ZYX: variants seen among roughly 807,000 people sequenced by gnomAD.
The protein encoded by ZYX is zyxin.
In ZYX, 37 loss-of-function variants were observed where a neutral mutation model predicts 58.1. The ratio of observed to expected loss-of-function variants is 0.64; its 90% confidence interval spans 0.49 to 0.84. The LOEUF (loss-of-function observed/expected upper bound fraction) is 0.84, where lower values mean the gene tolerates loss of function less well. Ranked by LOEUF, ZYX falls within the 40% of genes least tolerant of loss-of-function variation. The pLI is 0.00. For synonymous variants in ZYX, 324 were observed against 321.1 expected (o/e 1.01, Z -0.10); for missense variants, 762 against 761.6 (o/e 1.00, Z -0.01).
chr7:143,389,030 C>T lies in ZYX; in HGVS notation c.1493+85C>T, dbSNP rs879635652. 2.5e-4 allele frequency: 371 copies of T among 1,465,620 alleles called. No homozygotes were observed. The highest frequency in any genetic ancestry group is 7.1e-4 in the East Asian group (31 of 43,814). The allele number at this position is 1,465,620 out of a possible 1,614,324, so 90.8% of individuals were successfully genotyped here. A position where few individuals can be genotyped will look rare whatever the true frequency, so the allele number is the denominator to read the frequency against. On this transcript the variant is annotated intron_variant, in intron 8 of 9. Transcript: ENST00000322764. This position sits in a 1 kb window ranked among gnomAD's most constrained non-coding sequence, Gnocchi z 5.6. ...CTTGCTACCCTAGCCTCAGGACAGC[C>T]CCAAACCCCTGGTGGTGTTTTCTGG...
chr7:143,390,112 AC>A lies in ZYX; in HGVS notation c.1614+139del. ...GATTTTGAGGGTGGCTCATGGTGGC[AC>A]CCCATCTGTCCTGCCAGAATGCTTC... is the stretch of plus-strand genomic sequence containing the variant. On this transcript the variant is annotated intron_variant, in intron 9 of 9. Coordinates refer to ENST00000322764, the MANE Select transcript of ZYX (RefSeq NM_003461.5). This position sits in a 1 kb window ranked among gnomAD's most constrained non-coding sequence, Gnocchi z 4.3. 7.7e-7 allele frequency: 1 copy of A among 1,303,310 alleles called. No individual in the cohort carries two copies. The highest frequency in any genetic ancestry group is 2.4e-5 in the East Asian group (1 of 41,124). 80.7% of individuals were successfully genotyped at this position (1,303,310 alleles called of 1,614,324 possible).
rs1244741867 is a variant in ZYX, at chr7:143,388,567, C to T, written c.1223C>T (p.Ala408Val). ...GCTCTAGGGCAGCTGTTCCACATCG[C>T]CTGCTTCACCTGCCACCAGTGTGCG... ...VRALGQLFHI[A>V]CFTCHQCAQQ... is the part of the protein sequence containing the mutation. Residue 408 changes from alanine (A) to valine (V), a missense_variant, in exon 7 of 10, where the codon GCC (alanine) becomes GTC (valine). Transcript: ENST00000322764. The surrounding 1 kb of genome is among the most constrained non-coding windows in gnomAD (Gnocchi z 7.5). The T allele has an allele frequency of 6.2e-7, 1 of 1,611,992 alleles. No individual in the cohort carries two copies. The highest frequency in any genetic ancestry group is 8.5e-7 in the Non-Finnish European group (1 of 1,179,976).
At position 143,385,660 on chromosome 7, in the gene ZYX, C is replaced by CTTTTTTTTTTT. The variant is rs59995035; in HGVS notation, c.1023+2354_1023+2364dup. 9.6e-3 allele frequency among the ~76,000 whole-genome samples: 665 copies of CTTTTTTTTTTT among 68,968 alleles called. 71 individuals are homozygous for CTTTTTTTTTTT. Among genetic ancestry groups the CTTTTTTTTTTT allele is most frequent in the South Asian group, 0.013 (19 of 1,444 alleles). 45.2% of individuals were successfully genotyped at this position (68,968 alleles called of 152,430 possible). A position where few individuals can be genotyped will look rare whatever the true frequency, so the allele number is the denominator to read the frequency against. ...TGTGTGAGCGTGTGGTGTGGTATAT[C>CTTTTTTTTTTT]TTTTTTTTTTTTTTTTTTTTTTTTT... On this transcript the variant is annotated intron_variant, in intron 5 of 9. Transcript: ENST00000322764.
chr7:143,381,510 G>T (rs904762750), intron 1 of ZYX, 47 bp from the exon 2 acceptor site: 4 of 1,545,406 alleles, frequency 2.6e-6, no homozygotes, highest in African/African-American at 1.4e-5. Flanking sequence ...ACCGCCTGGG[G>T]CTCCTGAGCC....
chr7:143,381,798 G>T lies in ZYX; in HGVS notation c.208+19G>T. 1.3e-6 allele frequency: 2 copies of T among 1,529,292 alleles called. No homozygotes were observed. Among genetic ancestry groups the T allele is most frequent in the Non-Finnish European group, 1.8e-6 (2 of 1,138,250 alleles). The allele number at this position is 1,529,292 out of a possible 1,614,324, so 94.7% of individuals were successfully genotyped here. The stretch of plus-strand genomic sequence containing the variant: ...CCGGAAGGTATGCGGCGGGGCTTGG[G>T]GAATGTACCCCGGCAGGAGCCGGGG... On this transcript the variant is annotated intron_variant, in intron 2 of 9. Transcript: ENST00000322764.
At chr7:143,385,419 G>T (rs1408959657) in intron 5 of ZYX, among the ~76,000 whole-genome samples, 2 of 151,632 alleles carry the variant, frequency 1.3e-5, no homozygotes, top group African/African-American at 4.9e-5. Context: ...GTATGTGCAT[G>T]TGTGAGCATG....
At chr7:143,381,838 T>G in intron 2 of ZYX, 59 bp downstream of exon 2, 1 of 1,425,426 alleles carries the variant, frequency 7.0e-7, no homozygotes. Context: ...GGGCAGTCGT[T>G]TCGGGAATTT....
At position 143,382,373 on chromosome 7, in the gene ZYX, G is replaced by C; in HGVS notation, c.334G>C (p.Glu112Gln). Residue 112 changes from glutamate to glutamine, a missense_variant, in exon 3 of 10, where the codon GAG becomes CAG. Transcript: ENST00000322764. ...ESFPPAPLEE[E>Q]IFPSPPPPPE... is the part of the protein sequence containing the mutation. ...ATTTCCCCCTGCGCCTCTGGAGGAG[G>C]AGATCTTCCCTTCCCCGCCGCCTCC... 1 of 1,589,312 alleles carries C rather than the reference G, an allele frequency of 6.3e-7. No homozygotes were observed. The highest frequency in any genetic ancestry group is 8.6e-7 in the Non-Finnish European group (1 of 1,167,448).
chr7:143,387,910 C>G lies in ZYX; in HGVS notation c.1024-309C>G. 3.9e-6 allele frequency: 2 copies of G among 515,572 alleles called. No individual in the cohort carries two copies. The highest frequency in any genetic ancestry group is 2.3e-5 in the Admixed American group (1 of 44,132). The allele number at this position is 515,572 out of a possible 1,614,324, so 31.9% of individuals were successfully genotyped here. On this transcript the variant is annotated intron_variant, in intron 5 of 9. Coordinates refer to ENST00000322764, the MANE Select transcript of ZYX (RefSeq NM_003461.5). This position sits in a 1 kb window ranked among gnomAD's most constrained non-coding sequence, Gnocchi z 5.8. ...GTGTCCGGTGCTTCAGTGACCCGAG[C>G]TGCTGTGTGCGTGGCCTCCGTCCGC...
Position 143,382,781 on chromosome 7 carries a change from C to T in ZYX, c.502-20C>T. 2 of 1,608,338 alleles carry T rather than the reference C, an allele frequency of 1.2e-6. No homozygotes were observed. Among genetic ancestry groups the T allele is most frequent in the Admixed American group, 1.7e-5 (1 of 59,744 alleles). On this transcript the variant is annotated intron_variant, in intron 4 of 9. Transcript: ENST00000322764. The stretch of plus-strand genomic sequence containing the variant: ...GTGTCCTCCTGACTGCATCTCTCTT[C>T]CCTCTCCCACCCCTTGCAGGTGTCA...
chr7:143,385,008 G>A (rs1040525956), intron 5 of ZYX, among the ~76,000 whole-genome samples: 1 of 152,140 alleles, frequency 6.6e-6, no homozygotes, highest in African/African-American at 2.4e-5. Context: ...GGAGGGTCAG[G>A]GTCGGAGCGG....
Position 143,389,912 on chromosome 7 carries a change from C to T in ZYX, c.1549C>T (p.Arg517Ter). The change falls in exon 9 of 10, where the codon CGA (arginine) becomes TGA (stop). Residue 517 changes from arginine to a stop codon, truncating the protein, a stop_gained. Transcript: ENST00000322764. LOFTEE classifies it high-confidence loss of function. This position sits in a 1 kb window ranked among gnomAD's most constrained non-coding sequence, Gnocchi z 5.6. Reference protein sequence around the residue: ...CSEPIMPEPGRDETVRVVALD... With the variant: ...CSEPIMPEPG Reference sequence around the variant, plus strand: ...TGAGCCCATCATGCCTGAGCCTGGCCGAGATGAGACTGTGCGAGTGGTCGC... The same window carrying T: ...TGAGCCCATCATGCCTGAGCCTGGCTGAGATGAGACTGTGCGAGTGGTCGC... The T allele has an allele frequency of 1.9e-6, 3 of 1,614,186 alleles. No homozygotes were observed. The highest frequency in any genetic ancestry group is 2.5e-6 in the Non-Finnish European group (3 of 1,180,016).
At position 143,383,199 on chromosome 7, in the gene ZYX, A is replaced by C; in HGVS notation, c.900A>C (p.Glu300Asp). 6.2e-7 allele frequency: 1 copy of C among 1,614,138 alleles called. No individual in the cohort carries two copies. Among genetic ancestry groups the C allele is most frequent in the Non-Finnish European group, 8.5e-7 (1 of 1,180,028 alleles). ...SQPNQKLGHP[E>D]ALSAGTGSPQ... is the part of the protein sequence containing the mutation. ...CAAATCAAAAATTGGGGCACCCCGA[A>C]GCTCTTTCTGCTGGCACAGGCTCCC... Residue 300 changes from glutamate to aspartate, a missense_variant, in exon 5 of 10, where the codon GAA becomes GAC. Transcript: ENST00000322764.
chr7:143,386,629 C>A (rs909027135), intron 5 of ZYX, among the ~76,000 whole-genome samples: 1 of 151,978 alleles, frequency 6.6e-6, no homozygotes, highest in Non-Finnish European at 1.5e-5. Context: ...GCTGCAGGTG[C>A]CCGGAGGGAC....
chr7:143,386,911 G>T (rs985300232), intron 5 of ZYX, among the ~76,000 whole-genome samples: 2 of 152,120 alleles, frequency 1.3e-5, no homozygotes, highest in African/African-American at 4.8e-5. Context: ...GGCAGTTCTG[G>T]ATAGAGTGTC....
rs1350377763 is a variant in ZYX, at chr7:143,390,711, T to A, written c.*29T>A. ...AGGACAGGCCCTCTTCAGACCGCAGTCCATGCCCCATTGTGGACCACCCAC... is the reference window on the plus strand; with the variant it reads ...AGGACAGGCCCTCTTCAGACCGCAGACCATGCCCCATTGTGGACCACCCAC... On this transcript the variant is annotated 3_prime_UTR_variant, in exon 10 of 10. Transcript: ENST00000322764. The surrounding 1 kb of genome is among the most constrained non-coding windows in gnomAD (Gnocchi z 4.3). 6.6e-7 allele frequency: 1 copy of A among 1,522,256 alleles called. No individual in the cohort carries two copies. The highest frequency in any genetic ancestry group is 8.9e-7 in the Non-Finnish European group (1 of 1,119,818). 94.3% of individuals were successfully genotyped at this position (1,522,256 alleles called of 1,614,324 possible).
Position 143,390,623 on chromosome 7 carries a change from T to C in ZYX, c.1660T>C (p.Phe554Leu), listed in dbSNP as rs916638486. The change falls in exon 10 of 10, where the codon TTC becomes CTC. Residue 554 changes from phenylalanine to leucine, a missense_variant. Coordinates refer to ENST00000322764, the MANE Select transcript of ZYX (RefSeq NM_003461.5). The surrounding 1 kb of genome is among the most constrained non-coding windows in gnomAD (Gnocchi z 4.3). ...LSIEADDNGC[F>L]PLDGHVLCRK... ...GATTGAGGCAGATGACAATGGCTGC[T>C]TCCCCCTGGACGGTCACGTGCTCTG... is the stretch of plus-strand genomic sequence containing the variant. The C allele has an allele frequency of 8.2e-6, 13 of 1,586,062 alleles. No homozygotes were observed. Among genetic ancestry groups the C allele is most frequent in the Non-Finnish European group, 1.1e-5 (13 of 1,166,060 alleles).
rs1304850468 is a variant in ZYX, at chr7:143,387,459, T to G, written c.1024-760T>G. ...TGGGCGTGTCTCCCGGCAGTGCTGA[T>G]GCAGGTCAGACAGCCCTTCCCGGAG... On this transcript the variant is annotated intron_variant, in intron 5 of 9. Transcript: ENST00000322764. This position sits in a 1 kb window ranked among gnomAD's most constrained non-coding sequence, Gnocchi z 5.8. 1.5e-4 allele frequency among the ~76,000 whole-genome samples: 23 copies of G among 152,172 alleles called. 1 individual carries two copies. The highest frequency in any genetic ancestry group is 1.5e-3 in the Admixed American group (23 of 15,288).
chr7:143,382,921 C>A lies in ZYX; in HGVS notation c.622C>A (p.Pro208Thr), dbSNP rs1251103052. The change falls in exon 5 of 10, where the codon CCT becomes ACT. Residue 208 changes from proline (P) to threonine (T), a missense_variant. Physicochemically the swap from Pro to Thr is conservative, Grantham distance 38. Transcript: ENST00000322764. Reference sequence around the variant, plus strand: ...TTGGAAGTCCCCTTCCAGCTCCCAGCCTCTGCCCCAGGTTCCGGCTCCGGC... The same window carrying A: ...TTGGAAGTCCCCTTCCAGCTCCCAGACTCTGCCCCAGGTTCCGGCTCCGGC... ...PPWKSPSSSQPLPQVPAPAQS... is the reference protein window; with the variant it reads ...PPWKSPSSSQTLPQVPAPAQS... The A allele has an allele frequency of 6.2e-7, 1 of 1,614,062 alleles. No homozygotes were observed. The highest frequency in any genetic ancestry group is 1.7e-5 in the Admixed American group (1 of 60,004).
Sources: allele counts gnomAD v4.1 joint callset (sites outside exome capture counted in the v4.1 genomes callset), GRCh38; gene constraint gnomAD v4.1.1; non-coding constraint Gnocchi (gnomAD v3.1); transcripts MANE v1.5; gene names NCBI Gene and HGNC (gene_info 2026-07-23, HGNC 2026-07-21).